The following ZNF354C variants were observed in gnomAD, a reference collection of about 807,000 sequenced individuals.
ZNF354C encodes the protein zinc finger protein 354C, also known as KRAB-zinc finger protein synten.
Under a neutral mutation model 12.4 loss-of-function variants are expected in ZNF354C, and 7 were observed. That is an observed-to-expected ratio of 0.56 (90% CI 0.32 to 1.06). ZNF354C has a LOEUF of 1.06. ZNF354C is among the 50% of genes least tolerant of loss of function. ZNF354C has a pLI of 0.04. For synonymous variants in ZNF354C, 202 were observed against 224.5 expected (o/e 0.90, Z 0.90); for missense variants, 609 against 658.0 (o/e 0.93, Z 0.81).
chr5:179,079,837 C>T lies in ZNF354C; in HGVS notation c.1405C>T (p.Gln469Ter), dbSNP rs771388632. The change falls in exon 5 of 5, where the codon CAG becomes TAG. Residue 469 changes from glutamine to a stop codon, truncating the protein, a stop_gained. Transcript: ENST00000315475. LOFTEE classifies it low-confidence loss of function (END_TRUNC). This position sits in a 1 kb window ranked among gnomAD's most constrained non-coding sequence, Gnocchi z 4.2. ...AATTCATACTGGAGAGAAACCGTAT[C>T]AGTGTAATCAGTGTGGAAAGGCCTT... The part of the protein sequence containing the change: ...QRIHTGEKPY[Q>*]CNQCGKAFSQ... 3.7e-6 allele frequency: 6 copies of T among 1,614,014 alleles called. No homozygotes were observed. Among genetic ancestry groups the T allele is most frequent in the Non-Finnish European group, 5.1e-6 (6 of 1,179,986 alleles).
rs1398926381 is a variant in ZNF354C at position 179,081,495 on chromosome 5, A to G, written c.*1398A>G. The G allele has an allele frequency of 6.6e-6, 1 of 152,196 alleles. No homozygotes were observed. Among genetic ancestry groups the G allele is most frequent in the African/African-American group, 2.4e-5 (1 of 41,440 alleles). 9.4% of individuals were successfully genotyped at this position (152,196 alleles called of 1,614,324 possible). On this transcript the variant is annotated 3_prime_UTR_variant, in exon 5 of 5. Coordinates refer to ENST00000315475, the MANE Select transcript of ZNF354C (RefSeq NM_014594.3). ...TTCACAGTTGGTATCATTAAAAAAA[A>G]TTCTAATACAATTAGCTAGACCTTC...
chr5:179,070,841 CTTTTTTT>C (rs766817856), intron 2 of ZNF354C, among the ~76,000 whole-genome samples: 126 of 75,470 alleles, frequency 1.7e-3, no homozygotes, highest in African/African-American at 6.5e-3. Flanking sequence ...CTTGATCGCT[CTTTTTTT>C]TTTTTTTTTT....
Position 179,082,717 on chromosome 5 carries a change from AC to A in ZNF354C, c.*2624del. ...TGACGGATCTTTCTTTCTGCACCAA[AC>A]CCCATTGAGTTATCTGGTCCCCTTG... On this transcript the variant is annotated 3_prime_UTR_variant, in exon 5 of 5. Transcript: ENST00000315475. The A allele has an allele frequency of 6.3e-7, 1 of 1,581,476 alleles. No homozygotes were observed.
intron 2 of ZNF354C, among the ~76,000 whole-genome samples, chr5:179,064,440 A>G (rs932462871): frequency 1.1e-4 from 16 of 150,988 alleles, no homozygotes; most frequent in African/African-American, 3.7e-4. Context: ...TTTTGGAGAC[A>G]GAGTCTTGCT....
Position 179,077,152 on chromosome 5 carries a change from C to T in ZNF354C, c.236C>T (p.Ser79Leu), listed in dbSNP as rs1184157822. 6.8e-6 allele frequency: 11 copies of T among 1,613,934 alleles called. No individual in the cohort carries two copies. The highest frequency in any genetic ancestry group is 9.3e-6 in the Non-Finnish European group (11 of 1,179,944). ...TGCATGGTGGAAAGAGAAGTCCCTT[C>T]AGATACCCGTCTAGGTAAGTGAGAG... ...DPCMVEREVP[S>L]DTRLGFKTWL... Residue 79 changes from serine to leucine, a missense_variant, in exon 4 of 5, where the codon TCA becomes TTA. Transcript: ENST00000315475.
intron 4 of ZNF354C, among the ~76,000 whole-genome samples, chr5:179,077,928 C>T (rs1762148981): frequency 6.6e-6 from 1 of 151,622 alleles, no homozygotes; most frequent in African/African-American, 2.4e-5. Flanking sequence ...ACCTTAGCCT[C>T]CTCAGTAGCT....
At chr5:179,075,605 C>T (rs750898367) in intron 2 of ZNF354C, among the ~76,000 whole-genome samples, 13 of 152,030 alleles carry the variant, frequency 8.6e-5, no homozygotes, top group African/African-American at 9.7e-5. Context: ...CAAAGAATAA[C>T]GAGGGTGACA....
intron 2 of ZNF354C, among the ~76,000 whole-genome samples, chr5:179,074,753 G>GT (rs952320441): frequency 2.0e-5 from 3 of 152,136 alleles, no homozygotes; most frequent in Non-Finnish European, 4.4e-5. Context: ...GTGAAGTTTG[G>GT]TAAGTGCTGT....
chr5:179,065,196 G>T (rs984127646), intron 2 of ZNF354C, among the ~76,000 whole-genome samples: 9 of 151,994 alleles, frequency 5.9e-5, no homozygotes, highest in Non-Finnish European at 7.4e-5. Flanking sequence ...AGCCACCATT[G>T]GTATGTTATT....
rs537643019 is a variant in ZNF354C at position 179,062,450 on chromosome 5, G to A, written c.27+355G>A. 1.7e-3 allele frequency among the ~76,000 whole-genome samples: 252 copies of A among 152,252 alleles called. 1 individual carries two copies. Among genetic ancestry groups the A allele is most frequent in the Middle Eastern group, 0.014 (4 of 294 alleles). ...CTTGGGGCTAAGATGTGGAAGGGCC[G>A]GAAGACAGCCTCCACAAGCATTTAT... On this transcript the variant is annotated intron_variant, in intron 2 of 4. Transcript: ENST00000315475.
At chr5:179,074,154 T>C (rs551744092) in intron 2 of ZNF354C, among the ~76,000 whole-genome samples, 8 of 152,240 alleles carry the variant, frequency 5.3e-5, no homozygotes, top group Non-Finnish European at 1.0e-4. Flanking sequence ...AGCTAATTTT[T>C]GTATTTTTAG....
chr5:179,060,885 C>G lies in ZNF354C; in HGVS notation c.-55+219C>G, dbSNP rs1324938298. Among the ~76,000 whole-genome samples, 1 of 152,138 alleles carries G rather than the reference C, an allele frequency of 6.6e-6. No homozygotes were observed. Among genetic ancestry groups the G allele is most frequent in the Non-Finnish European group, 1.5e-5 (1 of 68,022 alleles). On this transcript the variant is annotated intron_variant, in intron 1 of 4. Coordinates refer to ENST00000315475, the MANE Select transcript of ZNF354C (RefSeq NM_014594.3). This position sits in a 1 kb window ranked among gnomAD's most constrained non-coding sequence, Gnocchi z 4.2. ...ACAGATAGGGTGGCGGTACGCTGTT[C>G]CCGCTCTGTCAGGAGGAGACCGAGG... is the stretch of plus-strand genomic sequence containing the variant.
At chr5:179,074,326 C>T (rs763441576) in intron 2 of ZNF354C, among the ~76,000 whole-genome samples, 9 of 148,492 alleles carry the variant, frequency 6.1e-5, no homozygotes, top group Non-Finnish European at 8.9e-5. Flanking sequence ...CAGGGTTTCA[C>T]TGTGTTGGCC....
intron 2 of ZNF354C, among the ~76,000 whole-genome samples, chr5:179,070,380 A>G (rs1254541903): frequency 6.6e-6 from 1 of 152,196 alleles, no homozygotes; most frequent in Non-Finnish European, 1.5e-5. Context: ...CAACATCAGT[A>G]ACATTGAGTT....
intron 2 of ZNF354C, among the ~76,000 whole-genome samples, chr5:179,069,792 G>C (rs1322512044): frequency 6.6e-6 from 1 of 152,006 alleles, no homozygotes; most frequent in Non-Finnish European, 1.5e-5. Flanking sequence ...TGTGAACCCG[G>C]GAGGCGGAGC....
chr5:179,078,211 G>A (rs748429230), intron 4 of ZNF354C, among the ~76,000 whole-genome samples: 2 of 152,094 alleles, frequency 1.3e-5, no homozygotes, highest in East Asian at 1.9e-4. Flanking sequence ...AAAGATTATC[G>A]GGCATAGAGT....
At position 179,082,674 on chromosome 5, in the gene ZNF354C, T is replaced by TA; in HGVS notation, c.*2578dup. 6.3e-7 allele frequency: 1 copy of TA among 1,590,808 alleles called. No homozygotes were observed. Among genetic ancestry groups the TA allele is most frequent in the South Asian group, 1.1e-5 (1 of 90,446 alleles). On this transcript the variant is annotated 3_prime_UTR_variant, in exon 5 of 5. Coordinates refer to ENST00000315475, the MANE Select transcript of ZNF354C (RefSeq NM_014594.3). ...TAATGACGTGCTTTGTGGATGTGGT[T>TA]AGTCAATGACACCAGCTTGACGGAT...
chr5:179,068,728 G>A (rs1761996520), intron 2 of ZNF354C, among the ~76,000 whole-genome samples: 1 of 152,122 alleles, frequency 6.6e-6, no homozygotes, highest in Admixed American at 6.5e-5. Flanking sequence ...ACAGCAACAC[G>A]GAGCCTGTAT....
In ZNF354C at chr5:179,082,815, C is replaced by CTATCA; in HGVS notation, c.*2718_*2719insTATCA. 7.6e-7 allele frequency: 1 copy of CTATCA among 1,320,784 alleles called. No individual in the cohort carries two copies. The highest frequency in any genetic ancestry group is 1.1e-6 in the Non-Finnish European group (1 of 913,762). The allele number at this position is 1,320,784 out of a possible 1,614,324, so 81.8% of individuals were successfully genotyped here. A position where few individuals can be genotyped will look rare whatever the true frequency, so the allele number is the denominator to read the frequency against. ...GATGTTCTTCAAGCGACTGACCAAC[C>CTATCA]GATCAGGTCGAGGAGCTGCAACAGC... On this transcript the variant is annotated 3_prime_UTR_variant, in exon 5 of 5. Coordinates refer to ENST00000315475, the MANE Select transcript of ZNF354C (RefSeq NM_014594.3).
Sources: gnomAD v4.1 joint callset for allele counts (sites outside exome capture counted in the v4.1 genomes callset) on GRCh38, gnomAD v4.1.1 for gene constraint, Gnocchi (gnomAD v3.1) non-coding constraint, MANE v1.5 for transcripts, NCBI Gene and HGNC (gene_info 2026-07-23, HGNC 2026-07-21) for gene names.